The following MAMDC2 variants were observed in gnomAD, a reference collection of about 807,000 sequenced individuals.
MAMDC2 encodes the protein MAM domain-containing protein 2.
Under a neutral mutation model 89.8 loss-of-function variants are expected in MAMDC2, and 57 were observed. The observed-to-expected ratio is 0.63, with a 90% CI of 0.51 to 0.79. The LOEUF is 0.79. MAMDC2 is among the 30% of genes least tolerant of loss of function. The probability of loss-of-function intolerance (pLI) is 0.00; values close to 1 mark genes in which losing one functional copy is unlikely to be tolerated. For missense variants in MAMDC2, 800 were observed against 820.6 expected, an observed-to-expected ratio of 0.97 and a Z score of 0.31; for synonymous variants, 313 against 293.4, an observed-to-expected ratio of 1.07 and a Z score of -0.68.
At chr9:70,128,662 A>G (rs1222207407) in intron 6 of MAMDC2, among the ~76,000 whole-genome samples, 1 of 152,042 alleles carries the variant, frequency 6.6e-6, no homozygotes, top group African/African-American at 2.4e-5. Context: ...CAGAAAAAAA[A>G]AAAATTATTT....
rs955875766 is a variant in MAMDC2, at chr9:70,062,537, T to C, written c.148+17840T>C. On this transcript the variant is annotated intron_variant, in intron 2 of 13. Transcript: ENST00000377182. The stretch of plus-strand genomic sequence containing the variant: ...TAATTTGCTTCCATTTAAACCCATT[T>C]TTCCATGCTGTTTTCATTGTTTGTA... 4 of 152,222 alleles carry C rather than the reference T, an allele frequency of 2.6e-5. No individual in the cohort carries two copies. In the East Asian group the frequency reaches 7.7e-4, roughly 29 times the overall value. The allele number at this position is 152,222 out of a possible 1,614,324, so 9.4% of individuals were successfully genotyped here.
rs1017292326 is a variant in MAMDC2, at chr9:70,131,456, A to G, written c.901-63A>G. On this transcript the variant is annotated intron_variant, in intron 6 of 13. Transcript: ENST00000377182. ...GATTGACATGTCATTTTAAATCATT[A>G]AGAGCACTTAAGCCAAACCGAAAAT... 2.7e-6 allele frequency: 3 copies of G among 1,094,610 alleles called. No homozygotes were observed. The Admixed American group carries it at 7.1e-5, about 26-fold the overall frequency. 67.8% of individuals were successfully genotyped at this position (1,094,610 alleles called of 1,614,324 possible).
intron 1 of MAMDC2, 71 bp downstream of exon 1, chr9:70,044,302 G>A (rs1019615073): frequency 1.3e-6 from 2 of 1,537,362 alleles, no homozygotes; most frequent in Non-Finnish European, 8.9e-7. Context: ...TGCCCCCGGG[G>A]GTCCGGCTCA....
At chr9:70,209,569 CT>C (rs2033306136) in intron 11 of MAMDC2, among the ~76,000 whole-genome samples, 1 of 141,640 alleles carries the variant, frequency 7.1e-6, no homozygotes, top group Non-Finnish European at 1.5e-5. Context: ...TTTTATTGAT[CT>C]TTTTAAAAAA....
At position 70,076,687 on chromosome 9, in the gene MAMDC2, G is replaced by A. The variant is rs532588764; in HGVS notation, c.149-31524G>A. 1.3e-3 allele frequency among the ~76,000 whole-genome samples: 197 copies of A among 152,186 alleles called. 1 individual carries two copies. The highest frequency in any genetic ancestry group is 2.0e-3 in the Non-Finnish European group (133 of 68,014). The stretch of plus-strand genomic sequence containing the variant: ...TTTGGAGGATTGGTGCTCTTCTTCC[G>A]ACTCTGTATGATGCCTCTCTCCTCT... On this transcript the variant is annotated intron_variant, in intron 2 of 13. Transcript: ENST00000377182.
chr9:70,204,742 G>C (rs947973773), intron 11 of MAMDC2, among the ~76,000 whole-genome samples: 12 of 152,224 alleles, frequency 7.9e-5, no homozygotes, highest in African/African-American at 2.6e-4. Context: ...AGCCAGGTGT[G>C]GGATATAGTC....
intron 2 of MAMDC2, among the ~76,000 whole-genome samples, chr9:70,066,144 C>A (rs1643998152): frequency 6.6e-6 from 1 of 152,118 alleles, no homozygotes. Flanking sequence ...AAGATTGGGG[C>A]AGTTCAGAAA....
At chr9:70,210,980 A>G (rs1164294759) in intron 11 of MAMDC2, among the ~76,000 whole-genome samples, 4 of 152,148 alleles carry the variant, frequency 2.6e-5, no homozygotes, top group South Asian at 4.1e-4. Context: ...TGGCTTGTAG[A>G]GTTTCTGCCA....
chr9:70,117,429 A>T (rs1424161700), intron 5 of MAMDC2, among the ~76,000 whole-genome samples: 1 of 152,130 alleles, frequency 6.6e-6, no homozygotes, highest in African/African-American at 2.4e-5. Context: ...ATGAGAACAC[A>T]TGGACACAGG....
chr9:70,193,729 C>T (rs1296356882), intron 11 of MAMDC2, among the ~76,000 whole-genome samples: 1 of 152,096 alleles, frequency 6.6e-6, no homozygotes, highest in Non-Finnish European at 1.5e-5. Context: ...TCCTTGATGA[C>T]CACAGGGTAT....
intron 9 of MAMDC2, among the ~76,000 whole-genome samples, chr9:70,151,076 T>G (rs1056305080): frequency 6.6e-6 from 1 of 152,216 alleles, no homozygotes; most frequent in African/African-American, 2.4e-5. Flanking sequence ...GGGCCTTCTC[T>G]CTGTTCCTTG....
intron 2 of MAMDC2, among the ~76,000 whole-genome samples, chr9:70,095,439 T>C (rs1367242387): frequency 6.6e-6 from 1 of 152,174 alleles, no homozygotes; most frequent in Admixed American, 6.5e-5. Context: ...ATGGTTGACT[T>C]TGAGAGAAAT....
chr9:70,111,761 C>G (rs1166205749), intron 4 of MAMDC2, among the ~76,000 whole-genome samples: 1 of 152,156 alleles, frequency 6.6e-6, no homozygotes, highest in Non-Finnish European at 1.5e-5. Context: ...TACAGTCAAC[C>G]TGAGTAATTT....
intron 11 of MAMDC2, among the ~76,000 whole-genome samples, chr9:70,212,749 T>G (rs2033381925): frequency 6.6e-6 from 1 of 152,182 alleles, no homozygotes; most frequent in Non-Finnish European, 1.5e-5. Flanking sequence ...TTTGGCCATC[T>G]TGGAACCTCC....
intron 11 of MAMDC2, among the ~76,000 whole-genome samples, chr9:70,203,024 G>T (rs2118638303): frequency 6.6e-6 from 1 of 152,218 alleles, no homozygotes; most frequent in South Asian, 2.1e-4. Context: ...GCCAGTCTGT[G>T]TCTTTTAATT....
intron 10 of MAMDC2, among the ~76,000 whole-genome samples, chr9:70,169,055 A>C (rs6560019): frequency 0.65 from 98,392 of 152,090 alleles, 32,351 homozygotes; most frequent in Admixed American, 0.71. Context: ...ATTGGGGATA[A>C]TACATACATT....
At chr9:70,081,240 G>A (rs1225461868) in intron 2 of MAMDC2, among the ~76,000 whole-genome samples, 1 of 151,930 alleles carries the variant, frequency 6.6e-6, no homozygotes, top group Non-Finnish European at 1.5e-5. Context: ...AATGTGGTTT[G>A]GTCTAGTGAT....
At chr9:70,170,335 C>T (rs150086989) in intron 10 of MAMDC2, 144 bp from the exon 11 acceptor site, 11 of 774,902 alleles carry the variant, frequency 1.4e-5, no homozygotes, top group East Asian at 1.2e-4. Context: ...GCAGTGGCTC[C>T]GTGTAGGTGG....
intron 6 of MAMDC2, among the ~76,000 whole-genome samples, 156 bp from the exon 7 acceptor site, chr9:70,131,363 G>C (rs1267613536): frequency 6.6e-6 from 1 of 152,156 alleles, no homozygotes; most frequent in Non-Finnish European, 1.5e-5. Context: ...GGTTGAGGAG[G>C]GTGCTGCCCA....
Sources: allele counts gnomAD v4.1 joint callset (sites outside exome capture counted in the v4.1 genomes callset), GRCh38; gene constraint gnomAD v4.1.1; transcripts MANE v1.5; gene names NCBI Gene and HGNC (gene_info 2026-07-23, HGNC 2026-07-21).